Variants in ASPG observed in about 807,000 individuals in gnomAD.
ASPG encodes the protein asparaginase, also known as 60 kDa lysophospholipase.
In ASPG, 53 loss-of-function variants were observed where a neutral mutation model predicts 63.2. The observed-to-expected ratio is 0.84, with a 90% CI of 0.67 to 1.05. The LOEUF (loss-of-function observed/expected upper bound fraction) is 1.05. ASPG is among the 50% of genes least tolerant of loss of function. The pLI is 0.00. For missense variants in ASPG, 741 were observed against 794.4 expected (o/e 0.93, Z 0.81); for synonymous variants, 370 against 355.0 (o/e 1.04, Z -0.48).
rs150930014 is a variant in ASPG, at chr14:104,089,423, G to A, written c.83-3210G>A. Reference sequence around the variant, plus strand: ...GGTCCCAGCTACTGGGGAGGCTGAGGCATGAGAATCGCTTGAACCCAGGAG... The same window carrying A: ...GGTCCCAGCTACTGGGGAGGCTGAGACATGAGAATCGCTTGAACCCAGGAG... On this transcript the variant is annotated intron_variant, in intron 1 of 15. Coordinates refer to ENST00000551177, the MANE Select transcript of ASPG (RefSeq NM_001080464.3). Among the ~76,000 whole-genome samples the A allele has an allele frequency of 3.0e-3, 451 of 152,174 alleles. 3 individuals are homozygous for A. Among genetic ancestry groups the A allele is most frequent in the African/African-American group, 0.011 (439 of 41,534 alleles).
intron 6 of ASPG, among the ~76,000 whole-genome samples, chr14:104,103,190 T>C (rs2036956531): frequency 6.6e-6 from 1 of 152,202 alleles, no homozygotes; most frequent in South Asian, 2.1e-4. Context: ...GACGCCCCCA[T>C]GCGGCCTGCA....
chr14:104,104,768 G>A (rs749032398), intron 9 of ASPG, 33 bp downstream of exon 9: 24 of 1,539,210 alleles, frequency 1.6e-5, no homozygotes, highest in African/African-American at 2.7e-5. Context: ...GGCAACCCTC[G>A]GTGTGCACAA....
chr14:104,086,639 G>GAC (rs983067636), intron 1 of ASPG, among the ~76,000 whole-genome samples: 2 of 152,106 alleles, frequency 1.3e-5, no homozygotes, highest in Non-Finnish European at 2.9e-5. Context: ...AGGAGGGCAG[G>GAC]ACACTGCCTG....
chr14:104,109,102 C>T lies in ASPG; in HGVS notation c.1434-127C>T. On this transcript the variant is annotated intron_variant, in intron 12 of 15. Transcript: ENST00000551177. The surrounding 1 kb of genome is among the most constrained non-coding windows in gnomAD (Gnocchi z 4.8). ...GATGGGCCCTTGTCTGAGGCTAGGGCTGTGGGGTCTTGGGCCGGCCGGTCC... is the reference window on the plus strand; with the variant it reads ...GATGGGCCCTTGTCTGAGGCTAGGGTTGTGGGGTCTTGGGCCGGCCGGTCC... 6.6e-7 allele frequency: 1 copy of T among 1,505,916 alleles called. No homozygotes were observed. The allele number at this position is 1,505,916 out of a possible 1,614,324, so 93.3% of individuals were successfully genotyped here. A position where few individuals can be genotyped will look rare whatever the true frequency, so the allele number is the denominator to read the frequency against.
At position 104,110,274 on chromosome 14, in the gene ASPG, G is replaced by T; in HGVS notation, c.1520+959G>T. 1.0e-6 allele frequency: 1 copy of T among 985,260 alleles called. No homozygotes were observed. The highest frequency in any genetic ancestry group is 1.2e-6 in the Non-Finnish European group (1 of 829,860). 61.0% of individuals were successfully genotyped at this position (985,260 alleles called of 1,614,324 possible). On this transcript the variant is annotated intron_variant, in intron 13 of 15. Coordinates refer to ENST00000551177, the MANE Select transcript of ASPG (RefSeq NM_001080464.3). The surrounding 1 kb of genome is among the most constrained non-coding windows in gnomAD (Gnocchi z 4.7). Reference sequence around the variant, plus strand: ...GGGCTCGGCTCACTGGCTGGGAGGGGGTGGGTGCAGGCGCCTGCCCAGCAG... The same window carrying T: ...GGGCTCGGCTCACTGGCTGGGAGGGTGTGGGTGCAGGCGCCTGCCCAGCAG...
intron 4 of ASPG, among the ~76,000 whole-genome samples, chr14:104,096,645 T>G (rs1328296037): frequency 6.6e-6 from 1 of 152,182 alleles, no homozygotes; most frequent in Non-Finnish European, 1.5e-5. Flanking sequence ...AAGGGCACAG[T>G]TATGAGCACC....
chr14:104,104,550 C>A, intron 8 of ASPG, 64 bp downstream of exon 8: 1 of 1,589,326 alleles, frequency 6.3e-7, no homozygotes, highest in South Asian at 1.1e-5. Context: ...CAGAGGTGGG[C>A]TCTGACCCAC....
intron 1 of ASPG, among the ~76,000 whole-genome samples, chr14:104,088,356 A>G (rs896976256): frequency 6.6e-6 from 1 of 152,040 alleles, no homozygotes; most frequent in African/African-American, 2.4e-5. Flanking sequence ...ACGCCCCTTG[A>G]CCCATCCCTT....
In ASPG at chr14:104,113,838, A is replaced by C. The variant is rs2037431825; in HGVS notation, c.*1294A>C. 6.6e-6 allele frequency: 1 copy of C among 152,218 alleles called. No individual in the cohort carries two copies. The highest frequency in any genetic ancestry group is 2.4e-5 in the African/African-American group (1 of 41,420). 9.4% of individuals were successfully genotyped at this position (152,218 alleles called of 1,614,324 possible). ...AGGGCCGGGGAAGCCTTTGCTCCTC[A>C]CCCTGGTGAGGCCCATGAGGGGCTG... On this transcript the variant is annotated 3_prime_UTR_variant, in exon 16 of 16. Transcript: ENST00000551177.
intron 1 of ASPG, among the ~76,000 whole-genome samples, chr14:104,086,778 C>G (rs2036232365): frequency 6.6e-6 from 1 of 152,016 alleles, no homozygotes; most frequent in Non-Finnish European, 1.5e-5. Context: ...GAGCCCTTTC[C>G]ACTCCTCCTC....
At chr14:104,105,288 A>C in intron 9 of ASPG, 40 bp from the exon 10 acceptor site, 1 of 1,612,440 alleles carries the variant, frequency 6.2e-7, no homozygotes, top group East Asian at 2.2e-5. Flanking sequence ...CTGCCCATCC[A>C]GCCCTGGCAG....
Position 104,113,993 on chromosome 14 carries a change from G to A in ASPG, c.*1449G>A, listed in dbSNP as rs147859127. 1 of 152,356 alleles carries A rather than the reference G, an allele frequency of 6.6e-6. No individual in the cohort carries two copies. Among genetic ancestry groups the A allele is most frequent in the Admixed American group, 6.5e-5 (1 of 15,292 alleles). The allele number at this position is 152,356 out of a possible 1,614,324, so 9.4% of individuals were successfully genotyped here. ...ACAAATGCCTGGTGCAGGTGAGAAG[G>A]GGTGGGACTACCTCCGGCATCCCTG... On this transcript the variant is annotated 3_prime_UTR_variant, in exon 16 of 16. Coordinates refer to ENST00000551177, the MANE Select transcript of ASPG (RefSeq NM_001080464.3).
rs748167286 is a variant in ASPG at position 104,109,263 on chromosome 14, G to A, written c.1468G>A (p.Gly490Arg). 77 of 1,612,940 alleles carry A rather than the reference G, an allele frequency of 4.8e-5. No homozygotes were observed. Among genetic ancestry groups the A allele is most frequent in the Non-Finnish European group, 6.2e-5 (73 of 1,179,724 alleles). ...PGVIGLLREA[G>R]ASLSTQELEE... ...TGTCATTGGGTTGCTGCGGGAAGCC[G>A]GGGCCTCCCTGTCCACCCAGGAGCT... Residue 490 changes from glycine (G) to arginine (R), a missense_variant, in exon 13 of 16, where the codon GGG becomes AGG. Physicochemically the swap from Gly to Arg is moderately radical, Grantham distance 125. Coordinates refer to ENST00000551177, the MANE Select transcript of ASPG (RefSeq NM_001080464.3). This position sits in a 1 kb window ranked among gnomAD's most constrained non-coding sequence, Gnocchi z 4.8.
chr14:104,104,257 G>A lies in ASPG; in HGVS notation c.754-47G>A, dbSNP rs376693009. Reference sequence around the variant, plus strand: ...GCATGGGGCGAGTCTCAGTGGTGCTGAGGGCAGAGACCCTCACCATCCAGC... The same window carrying A: ...GCATGGGGCGAGTCTCAGTGGTGCTAAGGGCAGAGACCCTCACCATCCAGC... On this transcript the variant is annotated intron_variant, in intron 7 of 15. Transcript: ENST00000551177. 5.1e-6 allele frequency: 8 copies of A among 1,571,598 alleles called. No individual in the cohort carries two copies. In the African/African-American group the frequency reaches 5.4e-5, roughly 11 times the overall value.
rs780959039 is a variant in ASPG at position 104,100,027 on chromosome 14, CA to C, written c.640+1050del. The stretch of plus-strand genomic sequence containing the variant: ...ATGGCGGGCTGGTGGGTCAAGCCCA[CA>C]AGGTCACTGGACGCCTGGGGAGGCC... On this transcript the variant is annotated intron_variant, in intron 6 of 15. Transcript: ENST00000551177. Among the ~76,000 whole-genome samples, 15 of 152,318 alleles carry C rather than the reference CA, an allele frequency of 9.8e-5. No individual in the cohort carries two copies. In the East Asian group the frequency reaches 2.5e-3, roughly 26 times the overall value.
Position 104,110,759 on chromosome 14 carries a change from C to T in ASPG, c.1521-743C>T. 1.0e-6 allele frequency: 1 copy of T among 985,384 alleles called. No homozygotes were observed. The highest frequency in any genetic ancestry group is 1.2e-6 in the Non-Finnish European group (1 of 829,876). The allele number at this position is 985,384 out of a possible 1,614,324, so 61.0% of individuals were successfully genotyped here. A position where few individuals can be genotyped will look rare whatever the true frequency, so the allele number is the denominator to read the frequency against. ...CCTCACCAGGCCACTTCCCCCAGCC[C>T]CTGCACACCATGGGTGGGTGGAGCC... On this transcript the variant is annotated intron_variant, in intron 13 of 15. Coordinates refer to ENST00000551177, the MANE Select transcript of ASPG (RefSeq NM_001080464.3). The surrounding 1 kb of genome is among the most constrained non-coding windows in gnomAD (Gnocchi z 4.7).
rs958319000 is a variant in ASPG, at chr14:104,110,472, G to A, written c.1521-1030G>A. On this transcript the variant is annotated intron_variant, in intron 13 of 15. Transcript: ENST00000551177. This position sits in a 1 kb window ranked among gnomAD's most constrained non-coding sequence, Gnocchi z 4.7. ...AGTAGTCAGGTCCTGTGGGAGCTGG[G>A]ACCAGAACCCTGGTCCAGGACTCTG... 1 of 985,326 alleles carries A rather than the reference G, an allele frequency of 1.0e-6. No homozygotes were observed. 61.0% of individuals were successfully genotyped at this position (985,326 alleles called of 1,614,324 possible). A position where few individuals can be genotyped will look rare whatever the true frequency, so the allele number is the denominator to read the frequency against.
chr14:104,105,594 G>T, intron 10 of ASPG, 144 bp downstream of exon 10: 1 of 1,217,450 alleles, frequency 8.2e-7, no homozygotes. Context: ...TGGGGCCCAG[G>T]AGGAGGGTTT....
intron 6 of ASPG, among the ~76,000 whole-genome samples, chr14:104,102,885 C>G (rs1055593742): frequency 1.3e-5 from 2 of 152,212 alleles, no homozygotes; most frequent in Non-Finnish European, 1.5e-5. Context: ...TCACCTGGGG[C>G]CTGCACCTCC....
Sources: allele counts gnomAD v4.1 joint callset (sites outside exome capture counted in the v4.1 genomes callset), GRCh38; gene constraint gnomAD v4.1.1; non-coding constraint Gnocchi (gnomAD v3.1); transcripts MANE v1.5; gene names NCBI Gene and HGNC (gene_info 2026-07-23, HGNC 2026-07-21).